The following PCDHGA6 variants were observed in gnomAD, a reference collection of about 807,000 sequenced individuals.
PCDHGA6 encodes protocadherin gamma subfamily A, 6.
A neutral mutation model predicts 60.6 loss-of-function variants in PCDHGA6; 41 were observed. That is an observed-to-expected ratio of 0.68 (90% CI 0.53 to 0.88). PCDHGA6 has a LOEUF of 0.88. Ranked by LOEUF, PCDHGA6 falls within the 40% of genes least tolerant of loss-of-function variation. The pLI is 0.00. For missense variants in PCDHGA6, 1,312 were observed against 1,203.0 expected (o/e 1.09, Z -1.34); for synonymous variants, 594 against 524.4 (o/e 1.13, Z -1.81).
chr5:141,458,848 T>C (rs1044462303), intron 1 of PCDHGA6, among the ~76,000 whole-genome samples: 1 of 152,182 alleles, frequency 6.6e-6, no homozygotes, highest in Non-Finnish European at 1.5e-5. Flanking sequence ...TCCTCCCACC[T>C]CAGCCTTCCA....
At chr5:141,384,942 C>T (rs769507654) in intron 1 of PCDHGA6, 10 of 1,613,874 alleles carry the variant, frequency 6.2e-6, no homozygotes, top group African/African-American at 2.7e-5. Flanking sequence ...TTGAGCCCTC[C>T]GACGGTCCTT....
intron 1 of PCDHGA6, chr5:141,389,142 G>C (rs72790030): frequency 2.5e-6 from 4 of 1,613,970 alleles, no homozygotes; most frequent in African/African-American, 2.7e-5. Flanking sequence ...CAATATAACC[G>C]TTACGGCAAC....
Position 141,374,740 on chromosome 5 carries a change from C to T in PCDHGA6, c.657C>T (p.Asp219=), listed in dbSNP as rs1337639511. Residue 219 remains aspartate, a synonymous_variant, in exon 1 of 4, where the codon GAC becomes GAT. Transcript: ENST00000517434. ...TCCTTACTGCCATGGATGGCGGCGA[C>T]CCTGTCCGCTCAAGCGTCGCCCAAA... ...RLVLTAMDGG[D]PVRSSVAQIL... 7 of 1,611,592 alleles carry T rather than the reference C, an allele frequency of 4.3e-6. No homozygotes were observed. In the South Asian group the frequency reaches 6.6e-5, roughly 15 times the overall value.
At chr5:141,437,104 T>C (rs539232057) in intron 1 of PCDHGA6, among the ~76,000 whole-genome samples, 1 of 152,338 alleles carries the variant, frequency 6.6e-6, no homozygotes, top group African/African-American at 2.4e-5. Flanking sequence ...GGCTTAGCTT[T>C]AGGATTTTTA....
At chr5:141,394,376 C>G (rs1407081878) in intron 1 of PCDHGA6, 29 of 1,614,222 alleles carry the variant, frequency 1.8e-5, no homozygotes, top group Non-Finnish European at 2.5e-5. Flanking sequence ...AATCTTTCGA[C>G]TATGAGCAGA....
chr5:141,421,389 G>T (rs200646513), intron 1 of PCDHGA6: 1 of 1,613,934 alleles, frequency 6.2e-7, no homozygotes, highest in African/African-American at 1.3e-5. Context: ...AGGACCTGGG[G>T]CTGGAGCCCC....
At chr5:141,426,334 C>T (rs551131722) in intron 1 of PCDHGA6, 1 of 186,734 alleles carries the variant, frequency 5.4e-6, no homozygotes, top group South Asian at 1.1e-4. Flanking sequence ...GTGGCAAGCA[C>T]TCTTCCCTTT....
chr5:141,420,460 A>G lies in PCDHGA6; in HGVS notation c.2424+43953A>G, dbSNP rs946386638. On this transcript the variant is annotated intron_variant, in intron 1 of 3. Coordinates refer to ENST00000517434, the MANE Select transcript of PCDHGA6 (RefSeq NM_018919.3). ...AATGCCTCAGTCTTCCTACTATTCA[A>G]AGACATTTTAAAGCAAACTACATGG... The G allele has an allele frequency of 3.4e-6, 3 of 889,944 alleles. No individual in the cohort carries two copies. The African/African-American group carries it at 5.2e-5, about 16-fold the overall frequency. 55.1% of individuals were successfully genotyped at this position (889,944 alleles called of 1,614,324 possible).
At chr5:141,411,417 C>T (rs2095487286) in intron 1 of PCDHGA6, 1 of 148,614 alleles carries the variant, frequency 6.7e-6, no homozygotes, top group Non-Finnish European at 1.5e-5. Context: ...ACTAAAACAA[C>T]AACAACAAAA....
chr5:141,486,150 G>T lies in PCDHGA6; in HGVS notation c.2425-8657G>T. The T allele has an allele frequency of 6.2e-7, 1 of 1,614,180 alleles. No individual in the cohort carries two copies. The highest frequency in any genetic ancestry group is 8.5e-7 in the Non-Finnish European group (1 of 1,180,030). On this transcript the variant is annotated intron_variant, in intron 1 of 3. Transcript: ENST00000517434. This position sits in a 1 kb window ranked among gnomAD's most constrained non-coding sequence, Gnocchi z 5.0. The stretch of plus-strand genomic sequence containing the variant: ...TTTGATGTGCGGGCTCGCGATGGGG[G>T]TTCTCCAGCCATGGAGCAACATTGC...
chr5:141,498,078 G>A (rs1165770641), intron 2 of PCDHGA6, among the ~76,000 whole-genome samples: 6 of 152,194 alleles, frequency 3.9e-5, no homozygotes, highest in African/African-American at 1.4e-4. Flanking sequence ...ATAAGTGCTA[G>A]GTAGAATTGT....
intron 1 of PCDHGA6, chr5:141,395,210 A>G (rs200048432): frequency 1.2e-6 from 2 of 1,613,418 alleles, no homozygotes; most frequent in East Asian, 2.2e-5. Context: ...ATTTTCATGA[A>G]TATAAGAATG....
Position 141,485,668 on chromosome 5 carries a change from T to C in PCDHGA6, c.2425-9139T>C. 6.2e-7 allele frequency: 1 copy of C among 1,612,698 alleles called. No homozygotes were observed. The highest frequency in any genetic ancestry group is 1.3e-5 in the African/African-American group (1 of 74,972). ...CTCAGGATGCAGATGTGGGGAGCAA[T>C]TCGATTAGCAGCTATAGGCTGAGCT... On this transcript the variant is annotated intron_variant, in intron 1 of 3. Transcript: ENST00000517434. The surrounding 1 kb of genome is among the most constrained non-coding windows in gnomAD (Gnocchi z 5.7).
intron 1 of PCDHGA6, chr5:141,395,911 T>C (rs964928270): frequency 2.6e-5 from 4 of 152,144 alleles, no homozygotes; most frequent in African/African-American, 9.7e-5. Flanking sequence ...CATGGAGACA[T>C]GAAATCTAAA....
chr5:141,399,443 G>A, intron 1 of PCDHGA6: 1 of 1,614,018 alleles, frequency 6.2e-7, no homozygotes, highest in Non-Finnish European at 8.5e-7. Flanking sequence ...CTACATATCA[G>A]AGACGTCAAC....
intron 1 of PCDHGA6, chr5:141,415,156 A>T: frequency 6.2e-7 from 1 of 1,613,798 alleles, no homozygotes. Flanking sequence ...TCTCTCCGCC[A>T]CTGTCACGCT....
rs1004061582 is a variant in PCDHGA6, at chr5:141,477,406, A to C, written c.2425-17401A>C. ...AATACAACCTCAGCATCACCGCCCG[A>C]GACGCCGGAACCCCTTCCCTCTCAG... On this transcript the variant is annotated intron_variant, in intron 1 of 3. Transcript: ENST00000517434. The surrounding 1 kb of genome is among the most constrained non-coding windows in gnomAD (Gnocchi z 4.9). 6.2e-7 allele frequency: 1 copy of C among 1,614,036 alleles called. No homozygotes were observed. Among genetic ancestry groups the C allele is most frequent in the Admixed American group, 1.7e-5 (1 of 59,994 alleles).
chr5:141,399,682 G>A (rs778817737), intron 1 of PCDHGA6: 14 of 1,613,512 alleles, frequency 8.7e-6, no homozygotes, highest in Non-Finnish European at 1.2e-5. Flanking sequence ...CTTTGACTAC[G>A]AGCAGCTGCG....
Position 141,415,510 on chromosome 5 carries a change from T to C in PCDHGA6, c.2424+39003T>C, listed in dbSNP as rs780820182. On this transcript the variant is annotated intron_variant, in intron 1 of 3. Coordinates refer to ENST00000517434, the MANE Select transcript of PCDHGA6 (RefSeq NM_018919.3). ...TCACCTGATCTTCCCCCAGCCCAAT[T>C]ATGCGGACACGCTCATCAGCCAGGA... The C allele has an allele frequency of 2.5e-6, 4 of 1,614,088 alleles. No homozygotes were observed. The African/African-American group carries it at 5.3e-5, about 22-fold the overall frequency.
Sources: gnomAD v4.1 joint callset for allele counts (sites outside exome capture counted in the v4.1 genomes callset) on GRCh38, gnomAD v4.1.1 for gene constraint, Gnocchi (gnomAD v3.1) non-coding constraint, MANE v1.5 for transcripts, NCBI Gene and HGNC (gene_info 2026-07-23, HGNC 2026-07-21) for gene names.